Variants in SYN1 observed in about 807,000 individuals in gnomAD.
The protein encoded by SYN1 is synapsin I.
In SYN1, 8 loss-of-function variants were observed where a neutral mutation model predicts 44.6. The ratio of observed to expected loss-of-function variants is 0.18; its 90% CI spans 0.11 to 0.32. The LOEUF (loss-of-function observed/expected upper bound fraction) is 0.32. Ranked by LOEUF, SYN1 falls within the 10% of genes least tolerant of loss-of-function variation. The probability of loss-of-function intolerance (pLI) is 1.00; values close to 1 mark genes in which losing one functional copy is unlikely to be tolerated. For synonymous variants in SYN1, 275 were observed against 280.1 expected (o/e 0.98, Z 0.18); for missense variants, 451 against 639.4 (o/e 0.71, Z 3.18).
intron 5 of SYN1, chrX:47,586,556 G>C: frequency 8.2e-7 from 1 of 1,212,140 alleles, no homozygotes; most frequent in Non-Finnish European, 1.1e-6. Flanking sequence ...GCAAACTGCA[G>C]AGTGGCACTC....
intron 1 of SYN1, among the ~76,000 whole-genome samples, chrX:47,617,959 T>C (rs1603077711): frequency 1.8e-5 from 2 of 111,464 alleles, no homozygotes; most frequent in Admixed American, 1.9e-4. Context: ...GAAGGAAAAG[T>C]CCTATGGGGA....
chrX:47,612,322 ATT>A (rs2057918776), intron 1 of SYN1, among the ~76,000 whole-genome samples: 1 of 110,516 alleles, frequency 9.0e-6, no homozygotes, highest in African/African-American at 3.3e-5. Context: ...AGAAGTTCCC[ATT>A]ATAAGCTGGG....
At chrX:47,586,838 C>T (rs2057829425) in intron 5 of SYN1, 2 of 785,017 alleles carry the variant, frequency 2.5e-6, no homozygotes, top group Non-Finnish European at 3.5e-6. Flanking sequence ...TTGCTGATGA[C>T]CTGGTGTGAG....
rs1381158508 is a variant in SYN1, at chrX:47,577,514, AG to A, written c.775-14del. ...TTGTACTGCTGAGCTGGTGGGGAAAAGGCAGAGGAGACATGCTCAGGGCAGA... is the reference window on the plus strand; with the variant it reads ...TTGTACTGCTGAGCTGGTGGGGAAAAGCAGAGGAGACATGCTCAGGGCAGA... On this transcript the variant is annotated splice_polypyrimidine_tract_variant and intron_variant, in intron 5 of 12. Transcript: ENST00000295987. 1.7e-6 allele frequency: 2 copies of A among 1,197,512 alleles called. No homozygotes were observed. Among genetic ancestry groups the A allele is most frequent in the Non-Finnish European group, 2.3e-6 (2 of 888,409 alleles).
rs1230165509 is a variant in SYN1, at chrX:47,574,471, G to A, written c.1513C>T (p.Pro505Ser). The change falls in exon 12 of 13, where the codon CCC (proline) becomes TCC (serine). Residue 505 changes from proline to serine, a missense_variant. Around this residue, in one of 3 missense-constraint regions of SYN1, gnomAD observed 315 missense variants for 451.4 expected, o/e 0.70. Transcript: ENST00000295987. The part of the protein sequence containing the change: ...GLGPPAGSPL[P>S]QRLPSPTSAP... ...GAGGTGGGACTTGGAAGGCGCTGGGGCAGGGGGCTGCCAGCTGGGGGTCCA... is the reference window on the plus strand; with the variant it reads ...GAGGTGGGACTTGGAAGGCGCTGGGACAGGGGGCTGCCAGCTGGGGGTCCA... 1.9e-6 allele frequency: 2 copies of A among 1,075,783 alleles called. No homozygotes were observed. Among genetic ancestry groups the A allele is most frequent in the African/African-American group, 3.8e-5 (2 of 52,430 alleles). 88.7% of individuals were successfully genotyped at this position (1,075,783 alleles called of 1,213,427 possible). A position where few individuals can be genotyped will look rare whatever the true frequency, so the allele number is the denominator to read the frequency against.
At chrX:47,573,109 C>A in intron 12 of SYN1, 110 bp from the exon 13 acceptor site, 1 of 1,028,291 alleles carries the variant, frequency 9.7e-7, no homozygotes, top group Non-Finnish European at 1.3e-6. Context: ...CCCCTCTGAT[C>A]CTGGGGCTGT....
At chrX:47,583,423 C>A in intron 5 of SYN1, 1 of 1,204,492 alleles carries the variant, frequency 8.3e-7, no homozygotes, top group East Asian at 3.0e-5. Flanking sequence ...ACCATGGCCC[C>A]CTTTGAGCCC....
At chrX:47,592,500 T>C (rs909612639) in intron 5 of SYN1, among the ~76,000 whole-genome samples, 1 of 111,680 alleles carries the variant, frequency 9.0e-6, no homozygotes, top group African/African-American at 3.3e-5. Flanking sequence ...CTTTTCCATA[T>C]GAACTTTACT....
At chrX:47,588,215 C>T (rs1420505742) in intron 5 of SYN1, among the ~76,000 whole-genome samples, 1 of 112,921 alleles carries the variant, frequency 8.9e-6, no homozygotes, top group Non-Finnish European at 1.9e-5. Flanking sequence ...GAACCTTGTC[C>T]ACCGAAGGGG....
chrX:47,576,173 C>A lies in SYN1; in HGVS notation c.1116G>T (p.Val372=). Residue 372 remains valine, a synonymous_variant, in exon 9 of 13, where the codon GTG becomes GTT. Transcript: ENST00000295987. ...TTCCGTCCTTGCCATGTAGCGCTTC[C>A]ACTGCGCAGATGTCCAGTCCCCCAA... ...EIFGGLDICA[V]EALHGKDGRD... 8.3e-7 allele frequency: 1 copy of A among 1,204,863 alleles called. No homozygotes were observed.
At chrX:47,578,628 G>T (rs982023662) in intron 5 of SYN1, among the ~76,000 whole-genome samples, 2 of 111,765 alleles carry the variant, frequency 1.8e-5, no homozygotes, top group Non-Finnish European at 3.8e-5. Flanking sequence ...GATACCTCAA[G>T]TCTCCCCCGC....
chrX:47,594,876 C>A (rs1245661168), intron 5 of SYN1, among the ~76,000 whole-genome samples: 1 of 110,866 alleles, frequency 9.0e-6, no homozygotes, highest in Non-Finnish European at 1.9e-5. Context: ...TACAGGCATG[C>A]GCCACTGCCC....
At chrX:47,588,832 C>T (rs2057836711) in intron 5 of SYN1, among the ~76,000 whole-genome samples, 1 of 111,761 alleles carries the variant, frequency 8.9e-6, no homozygotes, top group African/African-American at 3.3e-5. Flanking sequence ...GCATGGGACC[C>T]AGCTCAGTGG....
At chrX:47,594,715 CTTTCT>C (rs987885115) in intron 5 of SYN1, among the ~76,000 whole-genome samples, 1 of 100,072 alleles carries the variant, frequency 1.0e-5, no homozygotes, top group Non-Finnish European at 2.0e-5. Context: ...ACATTTCTTT[CTTTCT>C]TTTCTTTTCT....
At chrX:47,609,484 C>T (rs1366336819) in intron 1 of SYN1, among the ~76,000 whole-genome samples, 2 of 112,394 alleles carry the variant, frequency 1.8e-5, no homozygotes, top group African/African-American at 6.5e-5. Context: ...TCTGCTCAAC[C>T]CAACCCTCCT....
chrX:47,576,774 C>T lies in SYN1; in HGVS notation c.838-134G>A, dbSNP rs141780709. 7,384 of 836,519 alleles carry T rather than the reference C, an allele frequency of 8.8e-3. 26 individuals are homozygous for T. Among genetic ancestry groups the T allele is most frequent in the South Asian group, 0.022 (986 of 44,950 alleles). 68.9% of individuals were successfully genotyped at this position (836,519 alleles called of 1,213,427 possible). On this transcript the variant is annotated intron_variant, in intron 6 of 12. Transcript: ENST00000295987. ...CAAAAATTAGGTGGACATGCCAAGG[C>T]GCTCAAGCAGGCACGATCATGGGTC... is the stretch of plus-strand genomic sequence containing the variant.
intron 5 of SYN1, chrX:47,585,834 C>T (rs778210969): frequency 2.3e-5 from 26 of 1,147,541 alleles, no homozygotes; most frequent in Non-Finnish European, 2.9e-5. Flanking sequence ...CCCGAGACTG[C>T]TCCCTTACAA....
chrX:47,606,139 C>G (rs1460062083), intron 3 of SYN1, among the ~76,000 whole-genome samples: 1 of 111,023 alleles, frequency 9.0e-6, no homozygotes, highest in African/African-American at 3.3e-5. Flanking sequence ...GCAATCCACC[C>G]ACCTTGGCCT....
Position 47,576,261 on chromosome X carries a change from G to C in SYN1, c.1056-28C>G, listed in dbSNP as rs1343204023. On this transcript the variant is annotated intron_variant, in intron 8 of 12. Transcript: ENST00000295987. ...GCCAAGACAAAGGGTGGGGAAGCCT[G>C]TCAGTCTCTCACCTGAGCTGTCGTG... 5.0e-6 allele frequency: 6 copies of C among 1,200,708 alleles called. No individual in the cohort carries two copies. The African/African-American group carries it at 1.0e-4, about 21-fold the overall frequency.
Sources: gnomAD v4.1 joint callset for allele counts (sites outside exome capture counted in the v4.1 genomes callset) on GRCh38, gnomAD v4.1.1 for gene constraint, gnomAD v4.1.1 regional missense constraint, MANE v1.5 for transcripts, NCBI Gene and HGNC (gene_info 2026-07-23, HGNC 2026-07-21) for gene names.